The following ADAMTS17 variants were observed in gnomAD, a reference collection of about 807,000 sequenced individuals.
The protein encoded by ADAMTS17 is A disintegrin and metalloproteinase with thrombospondin motifs 17.
ADAMTS17 carries 113 observed loss-of-function variants against 141.5 expected under a neutral mutation model. That is an observed-to-expected ratio of 0.80 (90% CI 0.69 to 0.93). The LOEUF is 0.93. Among genes scored for constraint, ADAMTS17 ranks in the 40% least tolerant of loss-of-function variants. The pLI is 0.00. For synonymous variants in ADAMTS17, 768 were observed against 630.6 expected (o/e 1.22, Z -3.27); for missense variants, 1,659 against 1,517.9 (o/e 1.09, Z -1.54).
rs532890059 is a variant in ADAMTS17, at chr15:100,155,020, T to C, written c.1322+160A>G. ...CAGATGCGCATGTGGGAGATGTCCTTGCCATTATAGGACACTCTGCGCTGA... is the reference window on the plus strand; with the variant it reads ...CAGATGCGCATGTGGGAGATGTCCTCGCCATTATAGGACACTCTGCGCTGA... On this transcript the variant is annotated intron_variant, in intron 9 of 21. Coordinates refer to ENST00000268070, the MANE Select transcript of ADAMTS17 (RefSeq NM_139057.4). Among the ~76,000 whole-genome samples, 3 of 152,356 alleles carry C rather than the reference T, an allele frequency of 2.0e-5. No individual in the cohort carries two copies. The South Asian group carries it at 6.2e-4, about 32-fold the overall frequency.
intron 10 of ADAMTS17, among the ~76,000 whole-genome samples, chr15:100,145,949 G>T (rs1469254127): frequency 1.3e-5 from 2 of 152,226 alleles, no homozygotes; most frequent in Non-Finnish European, 2.9e-5. Context: ...AAGGCAGGGG[G>T]ATCACTTGAG....
intron 2 of ADAMTS17, among the ~76,000 whole-genome samples, chr15:100,331,383 T>C (rs2046049683): frequency 6.6e-6 from 1 of 152,152 alleles, no homozygotes; most frequent in Non-Finnish European, 1.5e-5. Flanking sequence ...TCAAAAATCA[T>C]CCCCCCAAAA....
chr15:100,217,241 A>C (rs923870921), intron 7 of ADAMTS17, among the ~76,000 whole-genome samples: 1 of 152,236 alleles, frequency 6.6e-6, no homozygotes, highest in Non-Finnish European at 1.5e-5. Context: ...CTGGATATCC[A>C]TATGCAAGAA....
chr15:100,116,132 TAAA>T (rs34003703), intron 13 of ADAMTS17, among the ~76,000 whole-genome samples: 2,034 of 84,810 alleles, frequency 0.024, 82 homozygotes, highest in African/African-American at 0.091. Flanking sequence ...CAGTTTTAGG[TAAA>T]AAAAAAAAAA....
In ADAMTS17 at chr15:100,341,095, G is replaced by A. The variant is rs973009874; in HGVS notation, c.394C>T (p.Leu132Phe). 22 of 1,516,472 alleles carry A rather than the reference G, an allele frequency of 1.5e-5. No homozygotes were observed. Among genetic ancestry groups the A allele is most frequent in the Non-Finnish European group, 1.9e-5 (22 of 1,138,074 alleles). The allele number at this position is 1,516,472 out of a possible 1,614,324, so 93.9% of individuals were successfully genotyped here. A position where few individuals can be genotyped will look rare whatever the true frequency, so the allele number is the denominator to read the frequency against. The change falls in exon 2 of 22, where the codon CTC becomes TTC. Residue 132 changes from leucine (L) to phenylalanine (F), a missense_variant. Transcript: ENST00000268070. ...AELCFYSGRV[L>F]GHPGSLVSLS... ...GAGACGAGGGAGCCGGGGTGGCCGA[G>A]CACACGGCCCGAGTAGAAGCACAGC...
intron 7 of ADAMTS17, among the ~76,000 whole-genome samples, chr15:100,215,199 C>A (rs149456318): frequency 7.3e-4 from 111 of 152,318 alleles, no homozygotes; most frequent in African/African-American, 2.5e-3. Flanking sequence ...ACTGGCGAGG[C>A]CAGCAATTAA....
intron 3 of ADAMTS17, among the ~76,000 whole-genome samples, chr15:100,330,099 G>A (rs1204216360): frequency 6.6e-6 from 1 of 152,192 alleles, no homozygotes; most frequent in Non-Finnish European, 1.5e-5. Flanking sequence ...GTAGCCCCAT[G>A]AAATGTCCTT....
chr15:100,264,426 A>C (rs753452622), intron 4 of ADAMTS17, among the ~76,000 whole-genome samples: 2 of 152,250 alleles, frequency 1.3e-5, no homozygotes, highest in Non-Finnish European at 2.9e-5. Context: ...TATGAGGGAG[A>C]AAATTCAAGT....
chr15:100,282,952 C>T (rs2044332843), intron 3 of ADAMTS17, among the ~76,000 whole-genome samples: 1 of 152,116 alleles, frequency 6.6e-6, no homozygotes, highest in African/African-American at 2.4e-5. Flanking sequence ...AATACTAAAA[C>T]ACCTAGGAAG....
intron 18 of ADAMTS17, among the ~76,000 whole-genome samples, chr15:100,006,541 A>G (rs756504705): frequency 1.3e-4 from 20 of 152,326 alleles, no homozygotes; most frequent in Non-Finnish European, 2.5e-4. Context: ...CAGGTAGCCA[A>G]AGAGAGAGCC....
At chr15:100,168,102 G>A (rs2040019929) in intron 8 of ADAMTS17, among the ~76,000 whole-genome samples, 2 of 152,188 alleles carry the variant, frequency 1.3e-5, no homozygotes, top group African/African-American at 4.8e-5. Context: ...TCTGCGGCGG[G>A]CCTTCCTCAG....
At chr15:100,109,484 A>AGGGGGGG (rs141585888) in intron 13 of ADAMTS17, among the ~76,000 whole-genome samples, 1 of 148,760 alleles carries the variant, frequency 6.7e-6, no homozygotes, top group Non-Finnish European at 1.5e-5. Context: ...GAGGGTGTGA[A>AGGGGGGG]GGGAGGGGGA....
At chr15:100,043,776 A>T (rs1321092308) in intron 18 of ADAMTS17, among the ~76,000 whole-genome samples, 2 of 152,274 alleles carry the variant, frequency 1.3e-5, no homozygotes, top group Non-Finnish European at 2.9e-5. Context: ...CTACGGAGAT[A>T]CTAAGAACTT....
intron 11 of ADAMTS17, among the ~76,000 whole-genome samples, chr15:100,133,004 A>T (rs1179893045): frequency 2.0e-5 from 3 of 152,232 alleles, no homozygotes; most frequent in African/African-American, 4.8e-5. Context: ...AAAAATATTA[A>T]GTAAATGATA....
At chr15:100,160,439 G>A (rs1439432439) in intron 8 of ADAMTS17, among the ~76,000 whole-genome samples, 1 of 152,176 alleles carries the variant, frequency 6.6e-6, no homozygotes, top group Non-Finnish European at 1.5e-5. Flanking sequence ...AGCCCTGGGA[G>A]GATGGTCTCC....
chr15:100,149,677 G>T (rs957324527), intron 10 of ADAMTS17, among the ~76,000 whole-genome samples: 1 of 152,290 alleles, frequency 6.6e-6, no homozygotes, highest in African/African-American at 2.4e-5. Context: ...CTAGCCAAAA[G>T]GGGAATAACA....
At chr15:100,174,923 T>C (rs1485360881) in intron 8 of ADAMTS17, among the ~76,000 whole-genome samples, 1 of 152,132 alleles carries the variant, frequency 6.6e-6, no homozygotes, top group Non-Finnish European at 1.5e-5. Flanking sequence ...GGAAAAGGTG[T>C]TCCATACAAA....
At chr15:100,206,516 T>C (rs2041570467) in intron 7 of ADAMTS17, among the ~76,000 whole-genome samples, 1 of 152,216 alleles carries the variant, frequency 6.6e-6, no homozygotes, top group Non-Finnish European at 1.5e-5. Context: ...AAAATGAACT[T>C]GCCTTAGTCC....
chr15:100,032,854 G>A (rs911261145), intron 18 of ADAMTS17, among the ~76,000 whole-genome samples: 1 of 152,076 alleles, frequency 6.6e-6, no homozygotes, highest in Non-Finnish European at 1.5e-5. Context: ...GGGACTGTGG[G>A]GCTACCTAAC....
Sources: gnomAD v4.1 joint callset for allele counts (sites outside exome capture counted in the v4.1 genomes callset) on GRCh38, gnomAD v4.1.1 for gene constraint, MANE v1.5 for transcripts, NCBI Gene and HGNC (gene_info 2026-07-23, HGNC 2026-07-21) for gene names.